Variants in MSRA observed in about 807,000 individuals in gnomAD.
MSRA encodes the protein methionine sulfoxide reductase A, also known as mitochondrial peptide methionine sulfoxide reductase.
A neutral mutation model predicts 31.3 loss-of-function variants in MSRA; 54 were observed. The observed-to-expected ratio is 1.73, with a 90% confidence interval of 1.39 to 2.17. The LOEUF (loss-of-function observed/expected upper bound fraction) is 2.17, where lower values mean the gene tolerates loss of function less well. Among genes scored for constraint, MSRA ranks in the 30% most tolerant of loss-of-function variants. The probability of loss-of-function intolerance (pLI) is 0.00; values close to 1 mark genes in which losing one functional copy is unlikely to be tolerated. For missense variants in MSRA, 507 were observed against 300.9 expected, an observed-to-expected ratio of 1.69 and a Z score of -5.07; for synonymous variants, 169 against 116.5, an observed-to-expected ratio of 1.45 and a Z score of -2.90.
chr8:10,149,432 C>A (rs1369951634), intron 1 of MSRA, among the ~76,000 whole-genome samples: 1 of 152,296 alleles, frequency 6.6e-6, no homozygotes, highest in East Asian at 1.9e-4. Context: ...CTGAGAAATT[C>A]TTTATGCAAC....
chr8:10,304,291 T>A (rs2129127193), intron 4 of MSRA, among the ~76,000 whole-genome samples: 1 of 152,362 alleles, frequency 6.6e-6, no homozygotes, highest in East Asian at 1.9e-4. Flanking sequence ...ATCCGGCCTC[T>A]TGGTTAATGC....
In MSRA at chr8:10,421,135, A is replaced by G. The variant is rs551205824; in HGVS notation, c.544-7013A>G. ...ATCCATGTCTAGAGCTCCTTTGGGT[A>G]TTTTATAACCTACTGGGCTCCTGGG... On this transcript the variant is annotated intron_variant, in intron 5 of 5. Transcript: ENST00000317173. Among the ~76,000 whole-genome samples the G allele has an allele frequency of 5.3e-5, 8 of 152,176 alleles. No homozygotes were observed. In the South Asian group the frequency reaches 1.5e-3, roughly 28 times the overall value.
intron 3 of MSRA, among the ~76,000 whole-genome samples, chr8:10,246,623 G>A (rs987644410): frequency 2.0e-5 from 3 of 152,182 alleles, no homozygotes; most frequent in Non-Finnish European, 2.9e-5. Context: ...TGGAGTTTGG[G>A]AGCTTGGTGA....
At chr8:10,150,957 G>A (rs1803612196) in intron 1 of MSRA, among the ~76,000 whole-genome samples, 1 of 152,080 alleles carries the variant, frequency 6.6e-6, no homozygotes, top group African/African-American at 2.4e-5. Flanking sequence ...GGACACCACT[G>A]GTGGTATTGA....
At chr8:10,166,944 G>T (rs1435765183) in intron 1 of MSRA, among the ~76,000 whole-genome samples, 1 of 152,100 alleles carries the variant, frequency 6.6e-6, no homozygotes, top group Non-Finnish European at 1.5e-5. Context: ...GTATTCCTAG[G>T]GTTGAGAAAC....
At chr8:10,207,794 T>G (rs371402935) in intron 1 of MSRA, 39 bp from the exon 2 acceptor site, 9 of 1,578,562 alleles carry the variant, frequency 5.7e-6, no homozygotes, top group Non-Finnish European at 6.0e-6. Context: ...GTGTTAGAAC[T>G]TTACACTTAA....
At chr8:10,287,608 C>T (rs889841736) in intron 3 of MSRA, among the ~76,000 whole-genome samples, 3 of 152,156 alleles carry the variant, frequency 2.0e-5, no homozygotes, top group South Asian at 2.1e-4. Flanking sequence ...CGTTCTCATG[C>T]GTTGGACTTA....
intron 5 of MSRA, among the ~76,000 whole-genome samples, chr8:10,391,058 G>A (rs990827851): frequency 2.0e-5 from 3 of 151,694 alleles, no homozygotes; most frequent in African/African-American, 4.8e-5. Context: ...TGTACTTCAC[G>A]TTCTGGCACT....
intron 3 of MSRA, among the ~76,000 whole-genome samples, chr8:10,287,298 A>G (rs995611869): frequency 2.0e-5 from 3 of 152,190 alleles, no homozygotes; most frequent in Non-Finnish European, 4.4e-5. Context: ...AATTAAGCAA[A>G]TAATTTGGCC....
intron 5 of MSRA, among the ~76,000 whole-genome samples, chr8:10,382,454 G>T (rs1336331120): frequency 1.3e-5 from 2 of 152,214 alleles, no homozygotes; most frequent in Non-Finnish European, 2.9e-5. Context: ...AGCAGCTGGT[G>T]TTGGGGCTCA....
intron 5 of MSRA, among the ~76,000 whole-genome samples, chr8:10,401,788 A>G (rs2129184198): frequency 6.6e-6 from 1 of 152,336 alleles, no homozygotes; most frequent in East Asian, 1.9e-4. Flanking sequence ...ATCAAGCTAA[A>G]TGAAATAAGC....
chr8:10,072,748 A>G (rs191200083), intron 1 of MSRA, among the ~76,000 whole-genome samples: 5 of 152,314 alleles, frequency 3.3e-5, no homozygotes, highest in Admixed American at 6.5e-5. Flanking sequence ...CTTTCCATTT[A>G]TTTAAGTTGC....
chr8:10,111,133 G>T (rs1800248623), intron 1 of MSRA, among the ~76,000 whole-genome samples: 1 of 152,170 alleles, frequency 6.6e-6, no homozygotes, highest in East Asian at 1.9e-4. Flanking sequence ...GTGTTATCCA[G>T]GGACGGGGTG....
intron 1 of MSRA, among the ~76,000 whole-genome samples, chr8:10,134,411 C>G (rs922860973): frequency 6.6e-6 from 1 of 152,250 alleles, no homozygotes; most frequent in Non-Finnish European, 1.5e-5. Context: ...ACGTGCCTGT[C>G]CTGCCCCATT....
chr8:10,244,246 A>C (rs999264603), intron 2 of MSRA, among the ~76,000 whole-genome samples: 6 of 152,206 alleles, frequency 3.9e-5, no homozygotes. Context: ...GCCATAGAAC[A>C]CCAATTGTAC....
chr8:10,329,393 C>G lies in MSRA; in HGVS notation c.543+9404C>G, dbSNP rs919403028. Among the ~76,000 whole-genome samples the G allele has an allele frequency of 4.6e-5, 7 of 152,302 alleles. No individual in the cohort carries two copies. The East Asian group carries it at 1.2e-3, about 25-fold the overall frequency. ...GGCTGCATCACTCAAGTCTCTGCCT[C>G]TGTGGCCACCTGCCTCATCCTCTTC... On this transcript the variant is annotated intron_variant, in intron 5 of 5. Transcript: ENST00000317173.
chr8:10,225,509 GA>G (rs1365768909), intron 2 of MSRA, among the ~76,000 whole-genome samples: 2 of 152,168 alleles, frequency 1.3e-5, no homozygotes, highest in Non-Finnish European at 2.9e-5. Flanking sequence ...ATAGAAGTGG[GA>G]AAAATTCTTT....
chr8:10,158,140 C>T (rs890155870), intron 1 of MSRA, among the ~76,000 whole-genome samples: 3 of 152,178 alleles, frequency 2.0e-5, no homozygotes, highest in Non-Finnish European at 2.9e-5. Context: ...TAATCCCATC[C>T]ATTAGGGCCC....
intron 5 of MSRA, among the ~76,000 whole-genome samples, chr8:10,330,180 G>T (rs528544814): frequency 1.5e-5 from 2 of 136,006 alleles, no homozygotes; most frequent in South Asian, 2.7e-4. Flanking sequence ...TTCCCAATAG[G>T]TTCATTATAA....
Sources: gnomAD v4.1 joint callset for allele counts (sites outside exome capture counted in the v4.1 genomes callset) on GRCh38, gnomAD v4.1.1 for gene constraint, MANE v1.5 for transcripts, NCBI Gene and HGNC (gene_info 2026-07-23, HGNC 2026-07-21) for gene names.